Variants in RABGAP1L observed in about 807,000 individuals in gnomAD.
The protein encoded by RABGAP1L is RAB GTPase activating protein 1 like, also known as rab GTPase-activating protein 1-like.
In RABGAP1L, 63 loss-of-function variants were observed where a neutral mutation model predicts 137.7. That is an observed-to-expected ratio of 0.46 (90% CI 0.37 to 0.56). RABGAP1L has a LOEUF of 0.56. RABGAP1L is among the 20% of genes least tolerant of loss of function. RABGAP1L has a pLI of 0.00. For synonymous variants in RABGAP1L, 431 were observed against 433.7 expected (o/e 0.99, Z 0.08); for missense variants, 1,095 against 1,244.0 (o/e 0.88, Z 1.80).
intron 1 of RABGAP1L, among the ~76,000 whole-genome samples, chr1:174,185,026 C>T (rs1174582713): frequency 2.6e-5 from 4 of 152,140 alleles, no homozygotes; most frequent in African/African-American, 9.7e-5. Context: ...TGGTGGCAAC[C>T]CTTCCCTGCC....
intron 19 of RABGAP1L, among the ~76,000 whole-genome samples, chr1:174,865,909 G>A (rs1293439382): frequency 6.6e-6 from 1 of 152,096 alleles, no homozygotes; most frequent in Non-Finnish European, 1.5e-5. Context: ...CATCTCAACT[G>A]TGCTCATATC....
At chr1:174,503,380 G>A (rs537263206) in intron 13 of RABGAP1L, among the ~76,000 whole-genome samples, 1 of 152,176 alleles carries the variant, frequency 6.6e-6, no homozygotes, top group Non-Finnish European at 1.5e-5. Context: ...ATACATGTAA[G>A]GCCCAGCATG....
intron 19 of RABGAP1L, among the ~76,000 whole-genome samples, chr1:174,928,311 T>C (rs1243204643): frequency 1.3e-5 from 2 of 152,132 alleles, no homozygotes; most frequent in Admixed American, 6.6e-5. Context: ...TCCTATGCCA[T>C]ACAAACCTTA....
At chr1:174,835,415 A>C (rs915423693) in intron 19 of RABGAP1L, among the ~76,000 whole-genome samples, 1 of 152,212 alleles carries the variant, frequency 6.6e-6, no homozygotes, top group Admixed American at 6.5e-5. Flanking sequence ...AGGCAATTCA[A>C]TTTATAGTAA....
chr1:174,891,992 A>G (rs1656228313), intron 19 of RABGAP1L, among the ~76,000 whole-genome samples: 1 of 152,268 alleles, frequency 6.6e-6, no homozygotes, highest in African/African-American at 2.4e-5. Context: ...TAAAACAATA[A>G]AAGAAAATCA....
At chr1:174,620,411 G>T (rs1192286188) in intron 13 of RABGAP1L, among the ~76,000 whole-genome samples, 1 of 152,110 alleles carries the variant, frequency 6.6e-6, no homozygotes, top group African/African-American at 2.4e-5. Context: ...AAATGTAAAA[G>T]AACAGAAATT....
intron 13 of RABGAP1L, among the ~76,000 whole-genome samples, chr1:174,527,393 G>C (rs935450160): frequency 1.3e-5 from 2 of 151,916 alleles, no homozygotes; most frequent in East Asian, 3.9e-4. Context: ...AGTAGGGACT[G>C]GGTTTCACCA....
intron 13 of RABGAP1L, among the ~76,000 whole-genome samples, chr1:174,526,385 T>A (rs1663875376): frequency 6.6e-6 from 1 of 152,164 alleles, no homozygotes; most frequent in African/African-American, 2.4e-5. Context: ...TTGCTCCTCT[T>A]CAATTTCTTG....
chr1:174,762,223 C>A (rs986984875), intron 18 of RABGAP1L, among the ~76,000 whole-genome samples: 3 of 152,310 alleles, frequency 2.0e-5, no homozygotes, highest in Non-Finnish European at 4.4e-5. Flanking sequence ...AATTTTGACA[C>A]AGTCCACATA....
Position 174,400,658 on chromosome 1 carries a change from A to G in RABGAP1L, c.1710+6513A>G, listed in dbSNP as rs1648461806. Reference sequence around the variant, plus strand: ...ATCTTGTTGGGGAGAGCTATAAGCAATGGATTAATTTGAGCAGCTGTTCCT... The same window carrying G: ...ATCTTGTTGGGGAGAGCTATAAGCAGTGGATTAATTTGAGCAGCTGTTCCT... On this transcript the variant is annotated intron_variant, in intron 13 of 25. Coordinates refer to ENST00000681986, the MANE Select transcript of RABGAP1L (RefSeq NM_001366446.1). Among the ~76,000 whole-genome samples, 4 of 152,242 alleles carry G rather than the reference A, an allele frequency of 2.6e-5. No individual in the cohort carries two copies. In the South Asian group the frequency reaches 8.3e-4, roughly 32 times the overall value.
chr1:174,829,276 G>GAA (rs1691871119), intron 19 of RABGAP1L, among the ~76,000 whole-genome samples: 1 of 148,280 alleles, frequency 6.7e-6, no homozygotes, highest in Admixed American at 6.7e-5. Flanking sequence ...GTAATAAACA[G>GAA]GAAAATCCTC....
intron 11 of RABGAP1L, among the ~76,000 whole-genome samples, chr1:174,327,969 A>C (rs1057318423): frequency 3.7e-3 from 53 of 14,502 alleles, no homozygotes; most frequent in South Asian, 0.02. Flanking sequence ...ATATATATAT[A>C]TATATATATA....
intron 9 of RABGAP1L, among the ~76,000 whole-genome samples, chr1:174,278,019 A>C (rs1675143691): frequency 6.6e-6 from 1 of 152,182 alleles, no homozygotes; most frequent in African/African-American, 2.4e-5. Context: ...CAGAGAACTA[A>C]AAATTGTAAA....
chr1:174,943,948 G>A (rs1367213494), intron 19 of RABGAP1L, among the ~76,000 whole-genome samples: 2 of 152,118 alleles, frequency 1.3e-5, no homozygotes, highest in Non-Finnish European at 2.9e-5. Context: ...TATTTGTTGA[G>A]TGAGTGAATG....
intron 19 of RABGAP1L, among the ~76,000 whole-genome samples, chr1:174,904,763 C>T (rs1335586414): frequency 2.0e-5 from 3 of 152,130 alleles, no homozygotes; most frequent in Non-Finnish European, 4.4e-5. Context: ...AGTCCTCCTA[C>T]CTCAGCCTCC....
chr1:174,176,731 A>ATAAAATAAAAT (rs1414103078), intron 1 of RABGAP1L, among the ~76,000 whole-genome samples: 28 of 92,762 alleles, frequency 3.0e-4, no homozygotes, highest in African/African-American at 3.8e-4. Flanking sequence ...AAAAAAAAAA[A>ATAAAATAAAAT]AAAAAAAAAA....
chr1:174,174,443 T>G (rs1026506915), intron 1 of RABGAP1L, among the ~76,000 whole-genome samples: 1 of 152,164 alleles, frequency 6.6e-6, no homozygotes, highest in Non-Finnish European at 1.5e-5. Flanking sequence ...TAGCTATGTG[T>G]AGATACAGAT....
intron 13 of RABGAP1L, among the ~76,000 whole-genome samples, chr1:174,530,862 AG>A (rs1664341168): frequency 6.6e-6 from 1 of 152,066 alleles, no homozygotes; most frequent in South Asian, 2.1e-4. Flanking sequence ...GGGAACATGC[AG>A]GGTATTAAAA....
chr1:174,245,359 A>G (rs1156421731), intron 5 of RABGAP1L: 2 of 152,270 alleles, frequency 1.3e-5, no homozygotes, highest in African/African-American at 4.8e-5. Flanking sequence ...GGCGTGAGCC[A>G]CCACACCCAG....
Sources: gnomAD v4.1 joint callset for allele counts (sites outside exome capture counted in the v4.1 genomes callset) on GRCh38, gnomAD v4.1.1 for gene constraint, MANE v1.5 for transcripts, NCBI Gene and HGNC (gene_info 2026-07-23, HGNC 2026-07-21) for gene names.